ASCC1: variants seen among roughly 807,000 people sequenced by gnomAD.
The protein encoded by ASCC1 is activating signal cointegrator 1 complex subunit 1, also known as ASC-1 complex subunit P50.
ASCC1 carries 35 observed loss-of-function variants against 46.6 expected under a neutral mutation model. That is an observed-to-expected ratio of 0.75 (90% confidence interval 0.57 to 0.99). The LOEUF (loss-of-function observed/expected upper bound fraction) is 0.99. Among genes scored for constraint, ASCC1 ranks in the 50% least tolerant of loss-of-function variants. The pLI is 0.00. For synonymous variants in ASCC1, 143 were observed against 146.6 expected (o/e 0.98, Z 0.18); for missense variants, 376 against 428.7 (o/e 0.88, Z 1.09).
Position 72,134,691 on chromosome 10 carries a change from C to G in ASCC1, c.747-1510G>C, listed in dbSNP as rs1845987463. On this transcript the variant is annotated intron_variant, in intron 7 of 9. Coordinates refer to ENST00000672957, the MANE Select transcript of ASCC1 (RefSeq NM_001198800.3). ...CTTCACTTCTTTGACTCCCTTATACCAGGGCATCTCACTTCTCACCACTTC... is the reference window on the plus strand; with the variant it reads ...CTTCACTTCTTTGACTCCCTTATACGAGGGCATCTCACTTCTCACCACTTC... Among the ~76,000 whole-genome samples the G allele has an allele frequency of 2.6e-5, 4 of 152,152 alleles. No homozygotes were observed. The South Asian group carries it at 8.3e-4, about 32-fold the overall frequency.
In ASCC1 at chr10:72,203,468, G is replaced by A. The variant is rs1444597841; in HGVS notation, c.269C>T (p.Thr90Ile). 6.2e-7 allele frequency: 1 copy of A among 1,613,406 alleles called. No homozygotes were observed. Among genetic ancestry groups the A allele is most frequent in the Admixed American group, 1.7e-5 (1 of 59,984 alleles). Residue 90 changes from threonine to isoleucine, a missense_variant, in exon 4 of 10, where the codon ACT becomes ATT. Coordinates refer to ENST00000672957, the MANE Select transcript of ASCC1 (RefSeq NM_001198800.3). ...TCCAGGTTTAGGAATGCTAATAGAA[G>A]TTTTGGTCTCCATTTCTATTTTCTT... ...TRKKIEMETK[T>I]SISIPKPGQD... is the part of the protein sequence containing the mutation.
At chr10:72,152,656 C>T (rs1848501094) in intron 7 of ASCC1, among the ~76,000 whole-genome samples, 1 of 151,974 alleles carries the variant, frequency 6.6e-6, no homozygotes, top group African/African-American at 2.4e-5. Context: ...AGTAAGACCC[C>T]CATCCTAAAA....
chr10:72,135,458 A>G (rs1316213386), intron 7 of ASCC1, among the ~76,000 whole-genome samples: 1 of 152,222 alleles, frequency 6.6e-6, no homozygotes, highest in Non-Finnish European at 1.5e-5. Context: ...AGGAAACAGC[A>G]AATACGCATT....
At chr10:72,167,658 A>AG (rs1482754440) in intron 5 of ASCC1, among the ~76,000 whole-genome samples, 1 of 147,302 alleles carries the variant, frequency 6.8e-6, no homozygotes, top group Admixed American at 6.7e-5. Flanking sequence ...TTTTTTTTTA[A>AG]GACAAGGTCT....
rs2133164999 is a variant in ASCC1, at chr10:72,190,070, C to T, written c.489+6741G>A. ...CCTCCACAGTGCTCCCCACCCCACC[C>T]AGCCTGATAAAGCGCAGCAACTGGG... On this transcript the variant is annotated intron_variant, in intron 5 of 9. Transcript: ENST00000672957. 3 of 758,670 alleles carry T rather than the reference C, an allele frequency of 4.0e-6. No homozygotes were observed. In the South Asian group the frequency reaches 4.0e-5, roughly 10 times the overall value. The allele number at this position is 758,670 out of a possible 1,614,324, so 47.0% of individuals were successfully genotyped here.
intron 5 of ASCC1, among the ~76,000 whole-genome samples, chr10:72,192,618 C>T (rs968842189): frequency 4.6e-5 from 7 of 152,120 alleles, no homozygotes; most frequent in Admixed American, 2.0e-4. Context: ...CTCAGCCTCC[C>T]GAGTAGCTGG....
At chr10:72,164,417 A>T (rs1850086644) in intron 5 of ASCC1, among the ~76,000 whole-genome samples, 1 of 152,128 alleles carries the variant, frequency 6.6e-6, no homozygotes, top group Non-Finnish European at 1.5e-5. Context: ...AGCTTCTTTC[A>T]TTTACCATGA....
chr10:72,191,691 G>C (rs1854529144), intron 5 of ASCC1, among the ~76,000 whole-genome samples: 1 of 151,880 alleles, frequency 6.6e-6, no homozygotes, highest in African/African-American at 2.4e-5. Flanking sequence ...TGGTTGCCCA[G>C]GCTACAGTAC....
chr10:72,189,969 T>G, intron 5 of ASCC1: 1 of 753,336 alleles, frequency 1.3e-6, no homozygotes, highest in Non-Finnish European at 2.4e-6. Context: ...ATCCAGGAGC[T>G]ACGGAGAAAG....
At position 72,097,384 on chromosome 10, in the gene ASCC1, C is replaced by T. The variant is rs756851211; in HGVS notation, c.1024G>A (p.Val342Ile). 1.3e-5 allele frequency: 21 copies of T among 1,613,750 alleles called. No homozygotes were observed. Among genetic ancestry groups the T allele is most frequent in the African/African-American group, 5.3e-5 (4 of 74,882 alleles). The change falls in exon 10 of 10, where the codon GTA (valine) becomes ATA (isoleucine). Residue 342 changes from valine (V) to isoleucine (I), a missense_variant. Val to Ile is a conservative substitution (Grantham distance 29). Coordinates refer to ENST00000672957, the MANE Select transcript of ASCC1 (RefSeq NM_001198800.3). Reference sequence around the variant, plus strand: ...GAAGCGTAGTTTCCAAAGCTGTCTACGGTGAACCTCTGAGAGATGTGAATT... The same window carrying T: ...GAAGCGTAGTTTCCAAAGCTGTCTATGGTGAACCTCTGAGAGATGTGAATT... ...NSIHISQRFT[V>I]DSFGNYASCG...
At chr10:72,147,378 C>A (rs112500992) in intron 7 of ASCC1, among the ~76,000 whole-genome samples, 4 of 151,852 alleles carry the variant, frequency 2.6e-5, no homozygotes, top group Non-Finnish European at 5.9e-5. Flanking sequence ...CTCAGCCTCC[C>A]GAGCAGCTGC....
chr10:72,187,774 G>A (rs1191698132), intron 5 of ASCC1, among the ~76,000 whole-genome samples: 2 of 143,090 alleles, frequency 1.4e-5, no homozygotes, highest in Non-Finnish European at 3.0e-5. Flanking sequence ...TCAACCAGGT[G>A]TGGCTGATTA....
At chr10:72,178,086 G>C (rs1305808440) in intron 5 of ASCC1, among the ~76,000 whole-genome samples, 1 of 152,116 alleles carries the variant, frequency 6.6e-6, no homozygotes, top group East Asian at 1.9e-4. Context: ...CAAACAAAGA[G>C]GAAAAAGAGG....
At chr10:72,143,828 T>C (rs1847314682) in intron 7 of ASCC1, among the ~76,000 whole-genome samples, 1 of 151,834 alleles carries the variant, frequency 6.6e-6, no homozygotes, top group South Asian at 2.1e-4. Context: ...GAAGGGTTTC[T>C]CAGTTTTTCC....
intron 7 of ASCC1, among the ~76,000 whole-genome samples, chr10:72,152,199 T>TG (rs1280079232): frequency 1.9e-4 from 29 of 150,908 alleles, no homozygotes; most frequent in African/African-American, 6.8e-4. Flanking sequence ...TTTTGTGTTT[T>TG]TTTTTTGTAT....
At chr10:72,145,905 A>T (rs1354331387) in intron 7 of ASCC1, among the ~76,000 whole-genome samples, 1 of 152,184 alleles carries the variant, frequency 6.6e-6, no homozygotes, top group East Asian at 1.9e-4. Context: ...ACTTCCTTTA[A>T]GTGGCATATA....
At chr10:72,103,349 G>A (rs1842006977) in intron 9 of ASCC1, among the ~76,000 whole-genome samples, 1 of 151,208 alleles carries the variant, frequency 6.6e-6, no homozygotes, top group Non-Finnish European at 1.5e-5. Context: ...AGCCAAGATG[G>A]TCTCGATCTC....
At chr10:72,143,199 T>C (rs1375405700) in intron 7 of ASCC1, among the ~76,000 whole-genome samples, 1 of 152,030 alleles carries the variant, frequency 6.6e-6, no homozygotes, top group Non-Finnish European at 1.5e-5. Context: ...AAATGTGTTA[T>C]TAAATGTGTT....
rs143517065 is a variant in ASCC1, at chr10:72,111,282, G to A, written c.958-13832C>T. 8.5e-5 allele frequency among the ~76,000 whole-genome samples: 13 copies of A among 152,242 alleles called. No individual in the cohort carries two copies. In the East Asian group the frequency reaches 1.9e-3, roughly 23 times the overall value. On this transcript the variant is annotated intron_variant, in intron 9 of 9. Transcript: ENST00000672957. The stretch of plus-strand genomic sequence containing the variant: ...GTGGGTGGATCATTTGAGCCCAGGA[G>A]TTCAAGACCAGCCTGGGCAACATGG...
Sources: allele counts gnomAD v4.1 joint callset (sites outside exome capture counted in the v4.1 genomes callset), GRCh38; gene constraint gnomAD v4.1.1; transcripts MANE v1.5; gene names NCBI Gene and HGNC (gene_info 2026-07-23, HGNC 2026-07-21).